Variants in CSMD1 observed in about 807,000 individuals in gnomAD.
CSMD1 encodes CUB and sushi domain-containing protein 1.
A neutral mutation model predicts 417.5 loss-of-function variants in CSMD1; 213 were observed. That is an observed-to-expected ratio of 0.51 (90% confidence interval 0.46 to 0.57). The LOEUF is 0.57. CSMD1 is among the 20% of genes least tolerant of loss of function. The pLI, the probability that CSMD1 is intolerant of heterozygous loss-of-function variation, is 0.00. For synonymous variants in CSMD1, 2,862 were observed against 1,736.8 expected (o/e 1.65, Z -16.11); for missense variants, 6,923 against 4,529.7 (o/e 1.53, Z -15.17).
At chr8:3,297,274 G>T in intron 25 of CSMD1, among the ~76,000 whole-genome samples, 1 of 151,994 alleles carries the variant, frequency 6.6e-6, no homozygotes, top group Non-Finnish European at 1.5e-5. Context: ...TGATGTCATG[G>T]GATATCAATA....
rs369142813 is a variant in CSMD1 at position 3,135,662 on chromosome 8, C to T, written c.6241+6803G>A. 1.1e-3 allele frequency among the ~76,000 whole-genome samples: 167 copies of T among 151,182 alleles called. 2 individuals are homozygous for T. In the South Asian group the frequency reaches 0.018, roughly 16 times the overall value. ...CTGATCACATTTCTGACTCTGTGAACCGGCTTCTTCCCCTTTAAAACATGC... is the reference window on the plus strand; with the variant it reads ...CTGATCACATTTCTGACTCTGTGAATCGGCTTCTTCCCCTTTAAAACATGC... On this transcript the variant is annotated intron_variant, in intron 41 of 69. Coordinates refer to ENST00000635120, the MANE Select transcript of CSMD1 (RefSeq NM_033225.6).
intron 5 of CSMD1, among the ~76,000 whole-genome samples, chr8:3,887,417 T>C (rs1483942008): frequency 3.3e-5 from 5 of 152,132 alleles, no homozygotes; most frequent in South Asian, 4.1e-4. Context: ...CTGTCTGAAA[T>C]GTATGGACAA....
intron 5 of CSMD1, among the ~76,000 whole-genome samples, chr8:3,997,363 C>T (rs1272293072): frequency 1.3e-5 from 2 of 152,094 alleles, no homozygotes; most frequent in South Asian, 2.1e-4. Context: ...GAACTGACCA[C>T]CCTGCGGTTA....
intron 5 of CSMD1, among the ~76,000 whole-genome samples, chr8:3,794,360 AAC>A (rs1233833475): frequency 6.6e-6 from 1 of 152,142 alleles, no homozygotes; most frequent in African/African-American, 2.4e-5. Context: ...TGCTAAATAA[AAC>A]ACTTATAGAT....
chr8:2,951,833 T>C (rs538120825), intron 65 of CSMD1, among the ~76,000 whole-genome samples: 1 of 152,214 alleles, frequency 6.6e-6, no homozygotes, highest in Non-Finnish European at 1.5e-5. Context: ...AGTCCCTCTC[T>C]GTCATTCATA....
chr8:3,881,629 CAAAA>C (rs1256686937), intron 5 of CSMD1, among the ~76,000 whole-genome samples: 28 of 127,144 alleles, frequency 2.2e-4, no homozygotes, highest in African/African-American at 9.2e-4. Context: ...AAAACAAAAA[CAAAA>C]ACAAACAAAC....
intron 1 of CSMD1, among the ~76,000 whole-genome samples, chr8:4,663,793 T>C (rs371952062): frequency 8.5e-5 from 13 of 152,314 alleles, no homozygotes; most frequent in Admixed American, 3.3e-4. Context: ...CTAAGTGCTG[T>C]AGCAGAGCGC....
chr8:3,987,656 G>A (rs1319411440), intron 5 of CSMD1, among the ~76,000 whole-genome samples: 1 of 152,172 alleles, frequency 6.6e-6, no homozygotes, highest in East Asian at 1.9e-4. Flanking sequence ...TAAAGCAGAA[G>A]AGACAGTTCC....
intron 5 of CSMD1, among the ~76,000 whole-genome samples, chr8:3,948,771 A>G (rs1489823162): frequency 1.3e-5 from 2 of 152,198 alleles, no homozygotes; most frequent in Admixed American, 6.5e-5. Context: ...TTTCTTCAAT[A>G]TGACTATTAC....
At chr8:4,107,800 A>C (rs1801644416) in intron 3 of CSMD1, among the ~76,000 whole-genome samples, 1 of 152,198 alleles carries the variant, frequency 6.6e-6, no homozygotes. Context: ...AATAACTGAC[A>C]GGCAATCTGA....
chr8:4,689,134 A>G (rs1288293313), intron 1 of CSMD1, among the ~76,000 whole-genome samples: 1 of 152,222 alleles, frequency 6.6e-6, no homozygotes, highest in East Asian at 1.9e-4. Context: ...GTGATCATAT[A>G]ATGCCTGAAT....
chr8:3,771,725 G>C (rs1036922634), intron 5 of CSMD1, among the ~76,000 whole-genome samples: 1 of 152,138 alleles, frequency 6.6e-6, no homozygotes, highest in Non-Finnish European at 1.5e-5. Flanking sequence ...CAAAACGCAA[G>C]ATTCAATGAC....
chr8:4,219,606 C>T (rs941972896), intron 3 of CSMD1, among the ~76,000 whole-genome samples: 5 of 152,128 alleles, frequency 3.3e-5, no homozygotes, highest in African/African-American at 7.2e-5. Flanking sequence ...TTGGCTCCAA[C>T]CCAAAAAACA....
chr8:4,089,127 C>T (rs17068887), intron 3 of CSMD1, among the ~76,000 whole-genome samples: 33,644 of 152,162 alleles, frequency 0.22, 4,615 homozygotes, highest in African/African-American at 0.38. Flanking sequence ...CTCAGGGATT[C>T]CAGTGCTTAA....
intron 1 of CSMD1, among the ~76,000 whole-genome samples, chr8:4,709,432 G>T (rs1490647712): frequency 1.3e-5 from 2 of 152,152 alleles, no homozygotes; most frequent in Non-Finnish European, 2.9e-5. Flanking sequence ...GGCTGCCCTG[G>T]CCTCAACACA....
At chr8:3,786,805 G>C (rs1001623040) in intron 5 of CSMD1, among the ~76,000 whole-genome samples, 8 of 152,146 alleles carry the variant, frequency 5.3e-5, no homozygotes, top group Non-Finnish European at 1.2e-4. Flanking sequence ...GTGGTAGAGA[G>C]AGAAGAAGGA....
chr8:4,576,062 C>G (rs1244197957), intron 2 of CSMD1, among the ~76,000 whole-genome samples: 1 of 152,244 alleles, frequency 6.6e-6, no homozygotes, highest in Non-Finnish European at 1.5e-5. Flanking sequence ...CCACTCTTCT[C>G]TCACCAGTGC....
chr8:3,743,604 A>G (rs937699670), intron 6 of CSMD1, among the ~76,000 whole-genome samples: 10 of 152,158 alleles, frequency 6.6e-5, no homozygotes, highest in Admixed American at 4.6e-4. Context: ...TCAAGCTGGG[A>G]ACTAGGTCTC....
rs374879829 is a variant in CSMD1 at position 3,672,401 on chromosome 8, A to G, written c.1009+36013T>C. On this transcript the variant is annotated intron_variant, in intron 7 of 69. Transcript: ENST00000635120. ...ACTCTTGCATTCTCAACCACAGCTC[A>G]GAAAACATAAACAGTCCAGGGTGTG... is the stretch of plus-strand genomic sequence containing the variant. 1.1e-4 allele frequency among the ~76,000 whole-genome samples: 16 copies of G among 152,318 alleles called. No individual in the cohort carries two copies. The East Asian group carries it at 2.9e-3, about 28-fold the overall frequency.
Sources: allele counts gnomAD v4.1 joint callset (sites outside exome capture counted in the v4.1 genomes callset), GRCh38; gene constraint gnomAD v4.1.1; transcripts MANE v1.5; gene names NCBI Gene and HGNC (gene_info 2026-07-23, HGNC 2026-07-21).